PPARA: variants seen among roughly 807,000 people sequenced by gnomAD.
The protein encoded by PPARA is peroxisome proliferator activated receptor alpha.
In PPARA, 22 loss-of-function variants were observed where a neutral mutation model predicts 42.2. The observed-to-expected ratio is 0.52, with a 90% CI of 0.37 to 0.74. The LOEUF (loss-of-function observed/expected upper bound fraction) is 0.74, where lower values mean the gene tolerates loss of function less well. Among genes scored for constraint, PPARA ranks in the 30% least tolerant of loss-of-function variants. PPARA has a pLI of 0.00. For missense variants in PPARA, 465 were observed against 608.2 expected (o/e 0.76, Z 2.48); for synonymous variants, 242 against 239.3 (o/e 1.01, Z -0.10).
intron 4 of PPARA, among the ~76,000 whole-genome samples, chr22:46,210,816 T>G (rs1434640064): frequency 6.6e-6 from 1 of 152,204 alleles, no homozygotes; most frequent in Non-Finnish European, 1.5e-5. Context: ...CTATAAATAT[T>G]CTTGAACTTT....
chr22:46,225,789 C>A lies in PPARA; in HGVS notation c.711+5775C>A, dbSNP rs111213398. ...TGCATGCACGTGTAAACACACACAC[C>A]CCCACACATACACGTGCACCCACAC... On this transcript the variant is annotated intron_variant, in intron 7 of 8. Transcript: ENST00000407236. The surrounding 1 kb of genome is among the most constrained non-coding windows in gnomAD (Gnocchi z 4.1). Among the ~76,000 whole-genome samples, 43,528 of 146,694 alleles carry A rather than the reference C, an allele frequency of 0.3. 9,205 individuals carry two copies. Among genetic ancestry groups the A allele is most frequent in the African/African-American group, 0.61 (24,597 of 40,196 alleles).
At position 46,231,851 on chromosome 22, in the gene PPARA, G is replaced by A; in HGVS notation, c.771G>A (p.Lys257=). Reference sequence around the variant, plus strand: ...TGGCTGAGAAGACGCTGGTGGCCAAGCTGGTGGCCAATGGCATCCAGAACA... The same window carrying A: ...TGGCTGAGAAGACGCTGGTGGCCAAACTGGTGGCCAATGGCATCCAGAACA... The part of the protein sequence containing the change: ...LCMAEKTLVA[K]LVANGIQNKE... The change falls in exon 8 of 9, where the codon AAG becomes AAA. Residue 257 remains lysine (K), a synonymous_variant. Coordinates refer to ENST00000407236, the MANE Select transcript of PPARA (RefSeq NM_005036.6). The surrounding 1 kb of genome is among the most constrained non-coding windows in gnomAD (Gnocchi z 7.7). 6.2e-7 allele frequency: 1 copy of A among 1,614,088 alleles called. No homozygotes were observed. The highest frequency in any genetic ancestry group is 1.1e-5 in the South Asian group (1 of 91,084).
Position 46,195,713 on chromosome 22 carries a change from G to A in PPARA, c.-42-2629G>A, listed in dbSNP as rs1365785733. ...AATGGGTGAATATTTGCTTTGGGAC[G>A]GTATTCTTTACTCTATCTGGAGAGT... is the stretch of plus-strand genomic sequence containing the variant. On this transcript the variant is annotated intron_variant, in intron 3 of 8. Coordinates refer to ENST00000407236, the MANE Select transcript of PPARA (RefSeq NM_005036.6). This position sits in a 1 kb window ranked among gnomAD's most constrained non-coding sequence, Gnocchi z 4.6. Among the ~76,000 whole-genome samples the A allele has an allele frequency of 1.3e-5, 2 of 152,076 alleles. No homozygotes were observed. The highest frequency in any genetic ancestry group is 2.9e-5 in the Non-Finnish European group (2 of 68,030).
intron 4 of PPARA, among the ~76,000 whole-genome samples, chr22:46,213,373 A>T (rs186947139): frequency 1.1e-4 from 16 of 149,946 alleles, no homozygotes; most frequent in Admixed American, 9.9e-4. Flanking sequence ...GTGACTGTTC[A>T]GATGTTCAGA....
chr22:46,226,022 C>T (rs1341117306), intron 7 of PPARA, among the ~76,000 whole-genome samples: 1 of 152,020 alleles, frequency 6.6e-6, no homozygotes, highest in Admixed American at 6.5e-5. Context: ...TGCATTCACA[C>T]AGATGCATAC....
Position 46,239,952 on chromosome 22 carries a change from A to T in PPARA, c.*4572A>T. 1 of 387,774 alleles carries T rather than the reference A, an allele frequency of 2.6e-6. No individual in the cohort carries two copies. Among genetic ancestry groups the T allele is most frequent in the East Asian group, 3.7e-5 (1 of 27,274 alleles). The allele number at this position is 387,774 out of a possible 1,614,324, so 24.0% of individuals were successfully genotyped here. A position where few individuals can be genotyped will look rare whatever the true frequency, so the allele number is the denominator to read the frequency against. On this transcript the variant is annotated 3_prime_UTR_variant, in exon 9 of 9. Coordinates refer to ENST00000407236, the MANE Select transcript of PPARA (RefSeq NM_005036.6). ...TTTTTGGTCCTGATCCAGTGGCCAC[A>T]CCTGTCTTTGAAATGTCTCACTGAA...
rs1925258140 is a variant in PPARA at position 46,156,083 on chromosome 22, G to T, written c.-127+4113G>T. 3 of 152,226 alleles carry T rather than the reference G, an allele frequency of 2.0e-5. No homozygotes were observed. Among genetic ancestry groups the T allele is most frequent in the Admixed American group, 6.5e-5 (1 of 15,280 alleles). 9.4% of individuals were successfully genotyped at this position (152,226 alleles called of 1,614,324 possible). On this transcript the variant is annotated intron_variant, in intron 2 of 8. Transcript: ENST00000407236. This position sits in a 1 kb window ranked among gnomAD's most constrained non-coding sequence, Gnocchi z 5.2. The stretch of plus-strand genomic sequence containing the variant: ...CCTTGCCAGGTCTCAACCTATCATG[G>T]TTATCTTTGCAGCTGAGCTGCGTTG...
rs1934375488 is a variant in PPARA at position 46,215,326 on chromosome 22, G to C, written c.362G>C (p.Gly121Ala). ...CATTACGGAGTCCACGCGTGTGAAGGCTGCAAGGTAGAGGGGAGCTGGAAC... is the reference window on the plus strand; with the variant it reads ...CATTACGGAGTCCACGCGTGTGAAGCCTGCAAGGTAGAGGGGAGCTGGAAC... ...GYHYGVHACE[G>A]CKGFFRRTIR... Residue 121 changes from glycine (G) to alanine (A), a missense_variant, in exon 5 of 9, where the codon GGC becomes GCC. Physicochemically the swap from Gly to Ala is moderately conservative, Grantham distance 60. This residue lies in a region of PPARA where 313 missense variants were observed against 469.1 expected (regional missense o/e 0.67). Coordinates refer to ENST00000407236, the MANE Select transcript of PPARA (RefSeq NM_005036.6). 6.2e-7 allele frequency: 1 copy of C among 1,614,068 alleles called. No individual in the cohort carries two copies. The highest frequency in any genetic ancestry group is 1.7e-5 in the Admixed American group (1 of 60,002).
intron 4 of PPARA, among the ~76,000 whole-genome samples, chr22:46,205,554 ATTTT>A (rs1322589111): frequency 1.4e-3 from 18 of 12,924 alleles, no homozygotes; most frequent in African/African-American, 3.7e-3. Context: ...ATATATATAT[ATTTT>A]TTTTTTTTTT....
rs74786935 is a variant in PPARA at position 46,222,749 on chromosome 22, G to C, written c.711+2735G>C. On this transcript the variant is annotated intron_variant, in intron 7 of 8. Coordinates refer to ENST00000407236, the MANE Select transcript of PPARA (RefSeq NM_005036.6). The surrounding 1 kb of genome is among the most constrained non-coding windows in gnomAD (Gnocchi z 5.9). ...CAGAATTGAAAGCAGGCTGGGCACA[G>C]TGGCTCACACTGTAATCCCAGCACT... 0.018 allele frequency among the ~76,000 whole-genome samples: 2,791 copies of C among 152,306 alleles called. 97 individuals carry two copies. Among genetic ancestry groups the C allele is most frequent in the African/African-American group, 0.064 (2,641 of 41,548 alleles).
chr22:46,230,489 G>A lies in PPARA; in HGVS notation c.712-1303G>A, dbSNP rs778898297. On this transcript the variant is annotated intron_variant, in intron 7 of 8. Coordinates refer to ENST00000407236, the MANE Select transcript of PPARA (RefSeq NM_005036.6). The surrounding 1 kb of genome is among the most constrained non-coding windows in gnomAD (Gnocchi z 5.0). Reference sequence around the variant, plus strand: ...ATGTTGTCACTTTCCTGCTCTACCCGCAGATGTAAATTTCAGCCAACAGCA... The same window carrying A: ...ATGTTGTCACTTTCCTGCTCTACCCACAGATGTAAATTTCAGCCAACAGCA... 4.6e-5 allele frequency among the ~76,000 whole-genome samples: 7 copies of A among 152,278 alleles called. No homozygotes were observed. Among genetic ancestry groups the A allele is most frequent in the East Asian group, 1.9e-4 (1 of 5,184 alleles).
chr22:46,220,095 A>T, intron 7 of PPARA, 81 bp downstream of exon 7: 1 of 1,459,954 alleles, frequency 6.8e-7, no homozygotes, highest in Non-Finnish European at 9.5e-7. Flanking sequence ...ACATGTGTTG[A>T]ATGTTGAGAA....
At position 46,195,413 on chromosome 22, in the gene PPARA, C is replaced by G. The variant is rs978385095; in HGVS notation, c.-42-2929C>G. Among the ~76,000 whole-genome samples the G allele has an allele frequency of 6.6e-6, 1 of 152,156 alleles. No homozygotes were observed. The highest frequency in any genetic ancestry group is 2.4e-5 in the African/African-American group (1 of 41,432). The stretch of plus-strand genomic sequence containing the variant: ...GTACAGAGTCCCAGCCTGACTTATG[C>G]TAGTAGGTTACAGAGAAAGAAAGTC... On this transcript the variant is annotated intron_variant, in intron 3 of 8. Transcript: ENST00000407236. This position sits in a 1 kb window ranked among gnomAD's most constrained non-coding sequence, Gnocchi z 4.6.
Position 46,222,740 on chromosome 22 carries a change from C to T in PPARA, c.711+2726C>T, listed in dbSNP as rs1269614901. ...CTTGGATTTCAGAATTGAAAGCAGG[C>T]TGGGCACAGTGGCTCACACTGTAAT... On this transcript the variant is annotated intron_variant, in intron 7 of 8. Coordinates refer to ENST00000407236, the MANE Select transcript of PPARA (RefSeq NM_005036.6). This position sits in a 1 kb window ranked among gnomAD's most constrained non-coding sequence, Gnocchi z 5.9. Among the ~76,000 whole-genome samples, 21 of 152,194 alleles carry T rather than the reference C, an allele frequency of 1.4e-4. No homozygotes were observed. Among genetic ancestry groups the T allele is most frequent in the Admixed American group, 1.4e-3 (21 of 15,274 alleles).
Position 46,235,316 on chromosome 22 carries a change from A to G in PPARA, c.1343A>G (p.Lys448Arg), listed in dbSNP as rs771578943. 3 of 1,614,146 alleles carry G rather than the reference A, an allele frequency of 1.9e-6. No individual in the cohort carries two copies. The South Asian group carries it at 3.3e-5, about 18-fold the overall frequency. ...TEHAQLVQII[K>R]KTESDAALHP... Reference sequence around the variant, plus strand: ...CATGCGCAGCTGGTGCAGATCATCAAGAAGACGGAGTCGGATGCTGCGCTG... The same window carrying G: ...CATGCGCAGCTGGTGCAGATCATCAGGAAGACGGAGTCGGATGCTGCGCTG... Residue 448 changes from lysine (K) to arginine (R), a missense_variant, in exon 9 of 9, where the codon AAG (lysine) becomes AGG (arginine). Coordinates refer to ENST00000407236, the MANE Select transcript of PPARA (RefSeq NM_005036.6). This position sits in a 1 kb window ranked among gnomAD's most constrained non-coding sequence, Gnocchi z 7.0.
intron 7 of PPARA, chr22:46,220,384 A>AGATT: frequency 3.0e-6 from 1 of 337,110 alleles, no homozygotes; most frequent in South Asian, 2.5e-5. Context: ...GTGCAATCAT[A>AGATT]GTTCACTGCA....
rs1047647306 is a variant in PPARA at position 46,225,062 on chromosome 22, G to A, written c.711+5048G>A. On this transcript the variant is annotated intron_variant, in intron 7 of 8. Transcript: ENST00000407236. This position sits in a 1 kb window ranked among gnomAD's most constrained non-coding sequence, Gnocchi z 4.1. ...GGGGTTGGAACCGGCCAGGGTGCAC[G>A]GAGGAGGCTGTGGGGGCAGGGGGAG... 6.6e-6 allele frequency among the ~76,000 whole-genome samples: 1 copy of A among 152,156 alleles called. No individual in the cohort carries two copies. The highest frequency in any genetic ancestry group is 2.1e-4 in the South Asian group (1 of 4,826).
rs1930289390 is a variant in PPARA, at chr22:46,183,760, A to T, written c.-43+6924A>T. 6.6e-6 allele frequency among the ~76,000 whole-genome samples: 1 copy of T among 152,160 alleles called. No individual in the cohort carries two copies. Among genetic ancestry groups the T allele is most frequent in the East Asian group, 1.9e-4 (1 of 5,196 alleles). ...TGTGTCCAAAACAAAACAAAACAAA[A>T]CAAAAAAAGCTAAATTATCAAATGT... On this transcript the variant is annotated intron_variant, in intron 3 of 8. Coordinates refer to ENST00000407236, the MANE Select transcript of PPARA (RefSeq NM_005036.6). This position sits in a 1 kb window ranked among gnomAD's most constrained non-coding sequence, Gnocchi z 5.5.
intron 3 of PPARA, among the ~76,000 whole-genome samples, chr22:46,186,072 C>T (rs1034642877): frequency 2.0e-5 from 3 of 148,770 alleles, no homozygotes; most frequent in African/African-American, 7.4e-5. Flanking sequence ...TGAGTTGGCC[C>T]CTAAAAGTTA....
Sources: gnomAD v4.1 joint callset for allele counts (sites outside exome capture counted in the v4.1 genomes callset) on GRCh38, gnomAD v4.1.1 for gene constraint, gnomAD v4.1.1 regional missense constraint, Gnocchi (gnomAD v3.1) non-coding constraint, MANE v1.5 for transcripts, NCBI Gene and HGNC (gene_info 2026-07-23, HGNC 2026-07-21) for gene names.